Variants in DPYSL3 observed in about 807,000 individuals in gnomAD.
DPYSL3 encodes the protein dihydropyrimidinase like 3, also known as dihydropyrimidinase-related protein 3.
In DPYSL3, 16 loss-of-function variants were observed where a neutral mutation model predicts 66.1. The ratio of observed to expected loss-of-function variants is 0.24; its 90% CI spans 0.16 to 0.37. The LOEUF (loss-of-function observed/expected upper bound fraction) is 0.37, where lower values mean the gene tolerates loss of function less well. Ranked by LOEUF, DPYSL3 falls within the 10% of genes least tolerant of loss-of-function variation. The pLI is 1.00. For synonymous variants in DPYSL3, 338 were observed against 345.1 expected (o/e 0.98, Z 0.23); for missense variants, 738 against 916.2 (o/e 0.81, Z 2.51).
At chr5:147,454,149 C>G (rs116337841) in intron 1 of DPYSL3, 4,497 of 152,412 alleles carry the variant, frequency 0.03, 83 homozygotes, top group Non-Finnish European at 0.047. Context: ...CGCCCCCAGC[C>G]AGCTCCTCGT....
intron 1 of DPYSL3, among the ~76,000 whole-genome samples, chr5:147,487,276 T>G (rs182692011): frequency 6.6e-6 from 1 of 152,326 alleles, no homozygotes; most frequent in Non-Finnish European, 1.5e-5. Context: ...TTTCATAAAT[T>G]TGCATTCTCT....
intron 1 of DPYSL3, among the ~76,000 whole-genome samples, chr5:147,486,356 T>A (rs1332691247): frequency 6.6e-6 from 1 of 152,226 alleles, no homozygotes; most frequent in Non-Finnish European, 1.5e-5. Flanking sequence ...GCCTGGCATA[T>A]AATAAATGCT....
chr5:147,427,816 G>T (rs1752224552), intron 1 of DPYSL3, among the ~76,000 whole-genome samples: 1 of 152,062 alleles, frequency 6.6e-6, no homozygotes, highest in Admixed American at 6.6e-5. Flanking sequence ...AACAATCTTG[G>T]TAACTGTAAG....
At chr5:147,409,254 T>C (rs983951725) in intron 6 of DPYSL3, among the ~76,000 whole-genome samples, 1 of 152,222 alleles carries the variant, frequency 6.6e-6, no homozygotes, top group African/African-American at 2.4e-5. Context: ...ACGGGGCTTA[T>C]AATTTAGTGC....
intron 1 of DPYSL3, among the ~76,000 whole-genome samples, chr5:147,488,697 C>T (rs1212967501): frequency 6.6e-6 from 1 of 152,030 alleles, no homozygotes; most frequent in Non-Finnish European, 1.5e-5. Context: ...GCCTGGGTGA[C>T]AGAGTGAGGC....
At chr5:147,423,557 T>C (rs1752128961) in intron 2 of DPYSL3, among the ~76,000 whole-genome samples, 1 of 151,498 alleles carries the variant, frequency 6.6e-6, no homozygotes, top group Non-Finnish European at 1.5e-5. Flanking sequence ...CTTATCAAAA[T>C]TTTTTGTGCT....
intron 1 of DPYSL3, among the ~76,000 whole-genome samples, chr5:147,493,133 T>C (rs909489357): frequency 3.9e-5 from 6 of 152,198 alleles, no homozygotes; most frequent in Non-Finnish European, 4.4e-5. Context: ...TAATCAATTA[T>C]CTGAGAAGGC....
chr5:147,408,040 T>C (rs1433604884), intron 7 of DPYSL3, among the ~76,000 whole-genome samples: 1 of 152,160 alleles, frequency 6.6e-6, no homozygotes, highest in Non-Finnish European at 1.5e-5. Context: ...CTCCCTGTTG[T>C]AGGGTTTGGA....
intron 1 of DPYSL3, among the ~76,000 whole-genome samples, chr5:147,471,608 G>C (rs1305283202): frequency 6.6e-6 from 1 of 152,080 alleles, no homozygotes; most frequent in East Asian, 1.9e-4. Context: ...CCTAAACGTG[G>C]TGCAAGGTAT....
chr5:147,446,332 C>T (rs1752628919), intron 1 of DPYSL3, among the ~76,000 whole-genome samples: 1 of 152,216 alleles, frequency 6.6e-6, no homozygotes, highest in Non-Finnish European at 1.5e-5. Context: ...GGTTCGCTTC[C>T]TTATTCCGCA....
At chr5:147,404,569 C>G (rs1346474961) in intron 8 of DPYSL3, among the ~76,000 whole-genome samples, 2 of 152,202 alleles carry the variant, frequency 1.3e-5, no homozygotes, top group Non-Finnish European at 2.9e-5. Context: ...TCTCACAACC[C>G]AACACAGAGC....
chr5:147,466,336 C>T (rs984763087), intron 1 of DPYSL3, among the ~76,000 whole-genome samples: 6 of 152,158 alleles, frequency 3.9e-5, no homozygotes, highest in African/African-American at 1.4e-4. Flanking sequence ...GTCTGTGTCT[C>T]AAATGTGAAG....
Position 147,405,874 on chromosome 5 carries a change from A to C in DPYSL3, c.1033-144T>G, listed in dbSNP as rs2304043. 0.01 allele frequency: 10,597 copies of C among 1,043,700 alleles called. 753 individuals carry two copies. In the East Asian group the frequency reaches 0.17, roughly 17 times the overall value. The allele number at this position is 1,043,700 out of a possible 1,614,324, so 64.7% of individuals were successfully genotyped here. On this transcript the variant is annotated intron_variant, in intron 7 of 13. Transcript: ENST00000343218. ...ATCTGGAATTAGATAGCCTATATCC[A>C]CATCTCAGATCTACCACTTCCTAAC...
In DPYSL3 at chr5:147,489,912, A is replaced by G. The variant is rs559406745; in HGVS notation, c.381+19566T>C. ...CCATTATACAATATACTAGTGCACA[A>G]CGTAGTAGGACTGCACATGTACCTC... On this transcript the variant is annotated intron_variant, in intron 1 of 13. Transcript: ENST00000343218. Among the ~76,000 whole-genome samples the G allele has an allele frequency of 4.6e-5, 7 of 152,292 alleles. No homozygotes were observed. In the South Asian group the frequency reaches 1.2e-3, roughly 27 times the overall value.
At chr5:147,501,716 T>C (rs1253185221) in intron 1 of DPYSL3, among the ~76,000 whole-genome samples, 1 of 152,066 alleles carries the variant, frequency 6.6e-6, no homozygotes, top group Non-Finnish European at 1.5e-5. Flanking sequence ...TGACCTGAGG[T>C]GATCCACCCA....
chr5:147,396,410 A>C (rs1018510655), intron 12 of DPYSL3, among the ~76,000 whole-genome samples: 3 of 152,216 alleles, frequency 2.0e-5, no homozygotes, highest in Non-Finnish European at 4.4e-5. Context: ...GCTTACAGTC[A>C]ACTGGACAAA....
intron 10 of DPYSL3, among the ~76,000 whole-genome samples, chr5:147,400,189 A>G (rs1480492231): frequency 1.3e-5 from 2 of 152,238 alleles, no homozygotes; most frequent in Non-Finnish European, 2.9e-5. Context: ...TGATGTGAAC[A>G]AGGAAAATAA....
intron 2 of DPYSL3, among the ~76,000 whole-genome samples, chr5:147,422,679 A>T (rs1384616822): frequency 1.3e-5 from 2 of 152,184 alleles, no homozygotes; most frequent in Admixed American, 1.3e-4. Flanking sequence ...CCATAAAAAA[A>T]AAGAATGAGT....
chr5:147,495,798 A>C (rs918195825), intron 1 of DPYSL3, among the ~76,000 whole-genome samples: 3 of 152,264 alleles, frequency 2.0e-5, no homozygotes, highest in Admixed American at 1.3e-4. Flanking sequence ...AGGAAGAATC[A>C]ATATTGTGAA....
Sources: gnomAD v4.1 joint callset for allele counts (sites outside exome capture counted in the v4.1 genomes callset) on GRCh38, gnomAD v4.1.1 for gene constraint, MANE v1.5 for transcripts, NCBI Gene and HGNC (gene_info 2026-07-23, HGNC 2026-07-21) for gene names.